The following PDE6B variants were observed in gnomAD, a reference collection of about 807,000 sequenced individuals.
PDE6B encodes rod cGMP-specific 3',5'-cyclic phosphodiesterase subunit beta.
PDE6B carries 106 observed loss-of-function variants against 109.0 expected under a neutral mutation model. The ratio of observed to expected loss-of-function variants is 0.97; its 90% CI spans 0.83 to 1.14. PDE6B has a LOEUF of 1.14. Among genes scored for constraint, PDE6B ranks in the 50% most tolerant of loss-of-function variants. The pLI, the probability that PDE6B is intolerant of heterozygous loss-of-function variation, is 0.00. For synonymous variants in PDE6B, 490 were observed against 471.3 expected, an observed-to-expected ratio of 1.04 and a Z score of -0.51; for missense variants, 1,193 against 1,155.6, an observed-to-expected ratio of 1.03 and a Z score of -0.47.
chr4:651,779 C>G (rs71602492), intron 3 of PDE6B: 7,940 of 151,848 alleles, frequency 0.052, 317 homozygotes, highest in African/African-American at 0.12. Flanking sequence ...GTGGAGAGTG[C>G]TAGGGCGGTC....
At chr4:646,100 A>G (rs1310239479) in intron 3 of PDE6B, among the ~76,000 whole-genome samples, 1 of 151,972 alleles carries the variant, frequency 6.6e-6, no homozygotes, top group African/African-American at 2.4e-5. Flanking sequence ...ACGCATATGC[A>G]AGTTTCTGAT....
At chr4:656,172 C>T in intron 7 of PDE6B, 73 bp from the exon 8 acceptor site, 1 of 1,153,996 alleles carries the variant, frequency 8.7e-7, no homozygotes. Context: ...ACCTCAGGGC[C>T]ACAGAGGCCA....
At chr4:650,842 G>A (rs10014936) in intron 3 of PDE6B, among the ~76,000 whole-genome samples, 1,531 of 152,226 alleles carry the variant, frequency 0.01, 28 homozygotes, top group African/African-American at 0.035. Context: ...AGCCGGCAGC[G>A]AAAATCCACC....
Position 662,389 on chromosome 4 carries a change from C to G in PDE6B, c.1723-120C>G, listed in dbSNP as rs1182017248. On this transcript the variant is annotated intron_variant, in intron 13 of 21. Coordinates refer to ENST00000496514, the MANE Select transcript of PDE6B (RefSeq NM_000283.4). The surrounding 1 kb of genome is among the most constrained non-coding windows in gnomAD (Gnocchi z 4.3). ...CCTCTGACACCGTGCACCGCGCACC[C>G]CAGCCCTGCGGTGGTCGGAGGTCCA... The G allele has an allele frequency of 3.5e-5, 29 of 839,428 alleles. No individual in the cohort carries two copies. Among genetic ancestry groups the G allele is most frequent in the Non-Finnish European group, 5.4e-5 (27 of 496,428 alleles). The allele number at this position is 839,428 out of a possible 1,614,324, so 52.0% of individuals were successfully genotyped here.
Position 665,444 on chromosome 4 carries a change from G to T in PDE6B, c.2268+115G>T. 1.3e-6 allele frequency: 1 copy of T among 743,074 alleles called. No homozygotes were observed. The highest frequency in any genetic ancestry group is 2.4e-6 in the Non-Finnish European group (1 of 409,182). The allele number at this position is 743,074 out of a possible 1,614,324, so 46.0% of individuals were successfully genotyped here. ...CAGGCAGGGGGTTCTGAGGTCGTGG[G>T]GTCCTTATCTCACTTTGTGGGATCA... On this transcript the variant is annotated intron_variant, in intron 19 of 21. Transcript: ENST00000496514. The surrounding 1 kb of genome is among the most constrained non-coding windows in gnomAD (Gnocchi z 4.0).
In PDE6B at chr4:627,894, G is replaced by A. The variant is rs117705071; in HGVS notation, c.468+1800G>A. On this transcript the variant is annotated intron_variant, in intron 1 of 21. Coordinates refer to ENST00000496514, the MANE Select transcript of PDE6B (RefSeq NM_000283.4). ...TGATGGTGTCTCTTCCCTGCTCTGC[G>A]GGTCCCCCTCAAACTGCTGGGCTGT... Among the ~76,000 whole-genome samples the A allele has an allele frequency of 6.0e-4, 91 of 151,628 alleles. No individual in the cohort carries two copies. The East Asian group carries it at 0.016, about 26-fold the overall frequency.
At chr4:641,317 A>G (rs1327695389) in intron 3 of PDE6B, among the ~76,000 whole-genome samples, 2 of 152,232 alleles carry the variant, frequency 1.3e-5, no homozygotes, top group East Asian at 3.8e-4. Context: ...TCTTAATTTC[A>G]AATTCCAATT....
At position 648,264 on chromosome 4, in the gene PDE6B, T is replaced by C. The variant is rs562297534; in HGVS notation, c.712-5588T>C. ...TAACACGTGACCTTGTGTCTCCATG[T>C]GAGACTTTCGATTTTGCACCAGACA... On this transcript the variant is annotated intron_variant, in intron 3 of 21. Coordinates refer to ENST00000496514, the MANE Select transcript of PDE6B (RefSeq NM_000283.4). This position sits in a 1 kb window ranked among gnomAD's most constrained non-coding sequence, Gnocchi z 4.5. Among the ~76,000 whole-genome samples the C allele has an allele frequency of 4.7e-4, 71 of 152,186 alleles. No homozygotes were observed. Among genetic ancestry groups the C allele is most frequent in the South Asian group, 2.7e-3 (13 of 4,822 alleles).
chr4:636,038 C>A lies in PDE6B; in HGVS notation c.711+69C>A. The A allele has an allele frequency of 1.1e-6, 1 of 922,560 alleles. No individual in the cohort carries two copies. The highest frequency in any genetic ancestry group is 1.8e-6 in the Non-Finnish European group (1 of 554,630). The allele number at this position is 922,560 out of a possible 1,614,324, so 57.1% of individuals were successfully genotyped here. On this transcript the variant is annotated intron_variant, in intron 3 of 21. Coordinates refer to ENST00000496514, the MANE Select transcript of PDE6B (RefSeq NM_000283.4). The surrounding 1 kb of genome is among the most constrained non-coding windows in gnomAD (Gnocchi z 4.5). ...CCCTCCGCCCATCTCGCTGCCTGCA[C>A]AGAGGCGGGTGGTGGCAGGTGGTCT...
rs868606476 is a variant in PDE6B, at chr4:625,698, G to A, written c.72G>A (p.Gly24=). 6.2e-7 allele frequency: 1 copy of A among 1,613,972 alleles called. No individual in the cohort carries two copies. The highest frequency in any genetic ancestry group is 8.5e-7 in the Non-Finnish European group (1 of 1,180,012). Residue 24 remains glycine (G), a synonymous_variant, in exon 1 of 22, where the codon GGG becomes GGA. Coordinates refer to ENST00000496514, the MANE Select transcript of PDE6B (RefSeq NM_000283.4). This position sits in a 1 kb window ranked among gnomAD's most constrained non-coding sequence, Gnocchi z 5.0. The part of the protein sequence containing the change: ...QNPDFARQYF[G]KKLSPENVAA... ...CCGATTTTGCCCGCCAGTACTTTGGGAAGAAACTGAGCCCTGAGAATGTGG... is the reference window on the plus strand; with the variant it reads ...CCGATTTTGCCCGCCAGTACTTTGGAAAGAAACTGAGCCCTGAGAATGTGG...
intron 3 of PDE6B, 114 bp from the exon 4 acceptor site, chr4:653,738 G>A (rs1735821804): frequency 2.1e-5 from 25 of 1,164,152 alleles, no homozygotes; most frequent in Non-Finnish European, 3.0e-5. Context: ...CTGGGCAGGT[G>A]GTCAGATCAG....
chr4:650,915 C>T (rs28502612), intron 3 of PDE6B, among the ~76,000 whole-genome samples: 37,160 of 152,102 alleles, frequency 0.24, 5,755 homozygotes, highest in African/African-American at 0.44. Context: ...GGCTTTTAAC[C>T]GGAAAATTAA....
At chr4:649,503 T>C (rs1205109662) in intron 3 of PDE6B, among the ~76,000 whole-genome samples, 1 of 152,140 alleles carries the variant, frequency 6.6e-6, no homozygotes, top group Non-Finnish European at 1.5e-5. Context: ...GGCCACCTGC[T>C]GCTGCTTTGA....
At chr4:653,480 G>A (rs572334021) in intron 3 of PDE6B, 296 of 514,462 alleles carry the variant, frequency 5.8e-4, no homozygotes, top group African/African-American at 5.3e-3. Flanking sequence ...CGGAAACCAC[G>A]GCCCGATGTT....
At chr4:634,888 C>A in intron 2 of PDE6B, 59 bp downstream of exon 2, 2 of 1,467,962 alleles carry the variant, frequency 1.4e-6, no homozygotes, top group Non-Finnish European at 1.9e-6. Flanking sequence ...CCTGCCCGCC[C>A]GCCTGTTCTG....
At position 666,668 on chromosome 4, in the gene PDE6B, GCA is replaced by G. The variant is rs1737837735; in HGVS notation, c.2352+55_2352+56del. On this transcript the variant is annotated intron_variant, in intron 20 of 21. Coordinates refer to ENST00000496514, the MANE Select transcript of PDE6B (RefSeq NM_000283.4). This position sits in a 1 kb window ranked among gnomAD's most constrained non-coding sequence, Gnocchi z 5.6. ...ACTGGGGCAGGGTGGCTGGGAGCAG[GCA>G]AGGGGGCGCGGGCTGGAGTCGCGTG... 13 of 1,215,000 alleles carry G rather than the reference GCA, an allele frequency of 1.1e-5. No homozygotes were observed. The highest frequency in any genetic ancestry group is 3.8e-4 in the Middle Eastern group (2 of 5,278). 75.3% of individuals were successfully genotyped at this position (1,215,000 alleles called of 1,614,324 possible). A position where few individuals can be genotyped will look rare whatever the true frequency, so the allele number is the denominator to read the frequency against.
intron 1 of PDE6B, among the ~76,000 whole-genome samples, chr4:629,534 C>A (rs1164428044): frequency 6.6e-6 from 1 of 152,362 alleles, no homozygotes; most frequent in Admixed American, 6.5e-5. Flanking sequence ...TCCCTGGGAC[C>A]GTCATGGGAA....
chr4:660,535 C>G lies in PDE6B; in HGVS notation c.1536C>G (p.Thr512=). The change falls in exon 12 of 22, where the codon ACC becomes ACG. Residue 512 remains threonine (T), a synonymous_variant. Transcript: ENST00000496514. Reference sequence around the variant, plus strand: ...TCCACTTCTCTGACCTGGAGTGCACCGAACTGGACCTGGTCAAATGTGGCA... The same window carrying G: ...TCCACTTCTCTGACCTGGAGTGCACGGAACTGGACCTGGTCAAATGTGGCA... ...YEFHFSDLEC[T]ELDLVKCGIQ... 1 of 1,613,488 alleles carries G rather than the reference C, an allele frequency of 6.2e-7. No individual in the cohort carries two copies. Among genetic ancestry groups the G allele is most frequent in the Non-Finnish European group, 8.5e-7 (1 of 1,179,586 alleles).
At position 652,528 on chromosome 4, in the gene PDE6B, G is replaced by C. The variant is rs150645828; in HGVS notation, c.712-1324G>C. 6.0e-3 allele frequency: 5,900 copies of C among 979,900 alleles called. 17 individuals are homozygous for C. The highest frequency in any genetic ancestry group is 7.4e-3 in the Admixed American group (121 of 16,290). The allele number at this position is 979,900 out of a possible 1,614,324, so 60.7% of individuals were successfully genotyped here. A position where few individuals can be genotyped will look rare whatever the true frequency, so the allele number is the denominator to read the frequency against. ...GCGCTGTGTGGCGGCCACCACTGCC[G>C]TTAACCACAGTACACAGGGTGCTCG... On this transcript the variant is annotated intron_variant, in intron 3 of 21. Transcript: ENST00000496514.
Sources: allele counts gnomAD v4.1 joint callset (sites outside exome capture counted in the v4.1 genomes callset), GRCh38; gene constraint gnomAD v4.1.1; non-coding constraint Gnocchi (gnomAD v3.1); transcripts MANE v1.5; gene names NCBI Gene and HGNC (gene_info 2026-07-23, HGNC 2026-07-21).